The following ARHGAP35 variants were observed in gnomAD, a reference collection of about 807,000 sequenced individuals.
The protein encoded by ARHGAP35 is Rho GTPase activating protein 35.
In ARHGAP35, 15 loss-of-function variants were observed where a neutral mutation model predicts 111.1. That is an observed-to-expected ratio of 0.13 (90% CI 0.09 to 0.21). The LOEUF (loss-of-function observed/expected upper bound fraction) is 0.21, where lower values mean the gene tolerates loss of function less well. Ranked by LOEUF, ARHGAP35 falls within the 10% of genes least tolerant of loss-of-function variation. ARHGAP35 has a pLI of 1.00. For missense variants in ARHGAP35, 1,262 were observed against 1,873.0 expected (o/e 0.67, Z 6.02); for synonymous variants, 643 against 710.3 (o/e 0.91, Z 1.51).
chr19:46,933,251 C>A (rs1179638446), intron 2 of ARHGAP35, among the ~76,000 whole-genome samples: 1 of 151,136 alleles, frequency 6.6e-6, no homozygotes, highest in Non-Finnish European at 1.5e-5. Flanking sequence ...TCAAGCAATC[C>A]TCCCACTGCA....
At chr19:46,972,569 G>A (rs1390751541) in intron 3 of ARHGAP35, among the ~76,000 whole-genome samples, 1 of 152,228 alleles carries the variant, frequency 6.6e-6, no homozygotes, top group Admixed American at 6.5e-5. Context: ...CATGACAGAT[G>A]TGGCCCTGAG....
intron 5 of ARHGAP35, among the ~76,000 whole-genome samples, chr19:46,996,145 C>T (rs149846874): frequency 6.6e-6 from 1 of 152,250 alleles, no homozygotes; most frequent in African/African-American, 2.4e-5. Flanking sequence ...GCTCTGTCAC[C>T]CAGGCTGGAG....
At chr19:46,969,540 A>G (rs2040471373) in intron 3 of ARHGAP35, among the ~76,000 whole-genome samples, 1 of 152,102 alleles carries the variant, frequency 6.6e-6, no homozygotes, top group Non-Finnish European at 1.5e-5. Flanking sequence ...GCAACCAGGG[A>G]TGGGAGACAG....
intron 1 of ARHGAP35, among the ~76,000 whole-genome samples, chr19:46,895,166 T>C (rs1183787155): frequency 7.5e-6 from 1 of 133,762 alleles, no homozygotes; most frequent in Non-Finnish European, 1.7e-5. Context: ...GGGCAAAATC[T>C]TTTTTTTTTT....
At chr19:46,932,001 G>T (rs937819337) in intron 2 of ARHGAP35, among the ~76,000 whole-genome samples, 5 of 152,192 alleles carry the variant, frequency 3.3e-5, no homozygotes, top group Admixed American at 6.5e-5. Flanking sequence ...TTAAGAGGTG[G>T]CCGGGCACGG....
At chr19:46,932,685 G>A (rs936623526) in intron 2 of ARHGAP35, among the ~76,000 whole-genome samples, 1 of 152,104 alleles carries the variant, frequency 6.6e-6, no homozygotes, top group African/African-American at 2.4e-5. Context: ...CCAATTTTGT[G>A]ACACCCTAGA....
chr19:46,865,487 A>C (rs1205954342), intron 1 of ARHGAP35, among the ~76,000 whole-genome samples: 1 of 152,174 alleles, frequency 6.6e-6, no homozygotes, highest in Admixed American at 6.5e-5. Context: ...GAAGAGAAGA[A>C]GTTGAAAGAA....
chr19:46,993,858 T>C lies in ARHGAP35; in HGVS notation c.4036+4183T>C, dbSNP rs1041995355. On this transcript the variant is annotated intron_variant, in intron 5 of 6. Transcript: ENST00000672722. This position sits in a 1 kb window ranked among gnomAD's most constrained non-coding sequence, Gnocchi z 4.6. Reference sequence around the variant, plus strand: ...GCTGGGGTCTCCTCCATAGGCCACCTTCTCTCCCGGCCCACGCCCCTGGAC... The same window carrying C: ...GCTGGGGTCTCCTCCATAGGCCACCCTCTCTCCCGGCCCACGCCCCTGGAC... Among the ~76,000 whole-genome samples, 1 of 152,076 alleles carries C rather than the reference T, an allele frequency of 6.6e-6. No individual in the cohort carries two copies. The highest frequency in any genetic ancestry group is 1.5e-5 in the Non-Finnish European group (1 of 68,000).
At position 47,001,638 on chromosome 19, in the gene ARHGAP35, G is replaced by A. The variant is rs143797889; in HGVS notation, c.*950G>A. 625 of 359,058 alleles carry A rather than the reference G, an allele frequency of 1.7e-3. 4 individuals are homozygous for A. The highest frequency in any genetic ancestry group is 0.011 in the African/African-American group (527 of 46,904). The allele number at this position is 359,058 out of a possible 1,614,324, so 22.2% of individuals were successfully genotyped here. On this transcript the variant is annotated 3_prime_UTR_variant, in exon 7 of 7. Transcript: ENST00000672722. The surrounding 1 kb of genome is among the most constrained non-coding windows in gnomAD (Gnocchi z 5.4). ...AGAAGAGGGTTCGAGCCCTTGGTGG[G>A]GACAGCTGGGGAGATGGCAGTGCAG...
intron 1 of ARHGAP35, among the ~76,000 whole-genome samples, chr19:46,903,868 A>G (rs2056092780): frequency 6.6e-6 from 1 of 152,116 alleles, no homozygotes; most frequent in Admixed American, 6.5e-5. Context: ...TGGGCTCCCC[A>G]ACAGGATATG....
intron 3 of ARHGAP35, among the ~76,000 whole-genome samples, chr19:46,958,472 A>G (rs922084517): frequency 1.3e-5 from 2 of 152,178 alleles, no homozygotes; most frequent in African/African-American, 4.8e-5. Context: ...TAGTCTAACA[A>G]ATTTGTAGAA....
At chr19:46,916,193 CA>C (rs1304181705) in intron 1 of ARHGAP35, among the ~76,000 whole-genome samples, 2 of 152,042 alleles carry the variant, frequency 1.3e-5, no homozygotes, top group Non-Finnish European at 2.9e-5. Context: ...CTCGGCCTCC[CA>C]AAGTGTTGGA....
chr19:46,872,985 A>G (rs962738725), intron 1 of ARHGAP35, among the ~76,000 whole-genome samples: 2 of 152,172 alleles, frequency 1.3e-5, no homozygotes, highest in South Asian at 4.1e-4. Context: ...TTCTCCTCAC[A>G]ATAACCCTCT....
At chr19:46,969,153 CT>C (rs916283310) in intron 3 of ARHGAP35, among the ~76,000 whole-genome samples, 1 of 152,014 alleles carries the variant, frequency 6.6e-6, no homozygotes, top group Admixed American at 6.6e-5. Context: ...TTTGGAGTGG[CT>C]GCTCATGGAT....
At chr19:46,923,782 G>A (rs537828212) in intron 2 of ARHGAP35, among the ~76,000 whole-genome samples, 94 of 151,734 alleles carry the variant, frequency 6.2e-4, no homozygotes, top group Non-Finnish European at 1.1e-3. Context: ...TTAGCTGGGC[G>A]TGGTGGCAGG....
intron 1 of ARHGAP35, among the ~76,000 whole-genome samples, chr19:46,877,117 C>T (rs1226143305): frequency 2.0e-5 from 3 of 151,312 alleles, no homozygotes; most frequent in African/African-American, 2.4e-5. Context: ...GGCGTGGTGG[C>T]GCATGCCTGT....
intron 1 of ARHGAP35, among the ~76,000 whole-genome samples, chr19:46,890,602 C>T (rs1290032915): frequency 1.3e-5 from 2 of 152,188 alleles, no homozygotes; most frequent in Non-Finnish European, 2.9e-5. Flanking sequence ...GTTATCTAGA[C>T]TATGTTTCAT....
chr19:46,888,290 ATATATATATATATATAT>A (rs1568461096), intron 1 of ARHGAP35, among the ~76,000 whole-genome samples: 21 of 61,902 alleles, frequency 3.4e-4, no homozygotes, highest in African/African-American at 1.6e-3. Flanking sequence ...ATATATATAT[ATATATATATATATATAT>A]ATATATATAT....
rs779828837 is a variant in ARHGAP35 at position 46,919,386 on chromosome 19, C to T, written c.711C>T (p.Asp237=). 11 of 1,613,854 alleles carry T rather than the reference C, an allele frequency of 6.8e-6. No individual in the cohort carries two copies. In the Admixed American group the frequency reaches 1.7e-4, roughly 24 times the overall value. The change falls in exon 2 of 7, where the codon GAC becomes GAT. Residue 237 remains aspartate (D), a synonymous_variant. Coordinates refer to ENST00000672722, the MANE Select transcript of ARHGAP35 (RefSeq NM_004491.5). The surrounding 1 kb of genome is among the most constrained non-coding windows in gnomAD (Gnocchi z 6.2). Reference sequence around the variant, plus strand: ...CAGCGAGATCCAATGTAAACGTGGACTTGGCTTTCAGCACCTTAGTGCAAC... The same window carrying T: ...CAGCGAGATCCAATGTAAACGTGGATTTGGCTTTCAGCACCTTAGTGCAAC... The part of the protein sequence containing the change: ...ETSARSNVNV[D]LAFSTLVQLI...
Sources: gnomAD v4.1 joint callset for allele counts (sites outside exome capture counted in the v4.1 genomes callset) on GRCh38, gnomAD v4.1.1 for gene constraint, Gnocchi (gnomAD v3.1) non-coding constraint, MANE v1.5 for transcripts, NCBI Gene and HGNC (gene_info 2026-07-23, HGNC 2026-07-21) for gene names.